The following CCDC60 variants were observed in gnomAD, a reference collection of about 807,000 sequenced individuals.
The protein encoded by CCDC60 is coiled-coil domain containing 60, also known as coiled-coil domain-containing protein 60.
In CCDC60, 54 loss-of-function variants were observed where a neutral mutation model predicts 63.5. The ratio of observed to expected loss-of-function variants is 0.85; its 90% confidence interval spans 0.68 to 1.07. The LOEUF is 1.07. CCDC60 is among the 50% of genes least tolerant of loss of function. CCDC60 has a pLI of 0.00. For synonymous variants in CCDC60, 206 were observed against 238.8 expected, an observed-to-expected ratio of 0.86 and a Z score of 1.27; for missense variants, 651 against 684.3, an observed-to-expected ratio of 0.95 and a Z score of 0.54.
At chr12:119,480,969 C>T (rs995295398) in intron 4 of CCDC60, among the ~76,000 whole-genome samples, 4 of 150,948 alleles carry the variant, frequency 2.6e-5, no homozygotes, top group African/African-American at 9.7e-5. Flanking sequence ...TCACCATCAC[C>T]ATCATTATCA....
chr12:119,401,764 A>G (rs1956396411), intron 1 of CCDC60, among the ~76,000 whole-genome samples: 1 of 152,224 alleles, frequency 6.6e-6, no homozygotes, highest in South Asian at 2.1e-4. Context: ...ATAGAGCATC[A>G]AAGTGCACAG....
At chr12:119,493,663 C>A (rs895388518) in intron 5 of CCDC60, among the ~76,000 whole-genome samples, 3 of 152,150 alleles carry the variant, frequency 2.0e-5, no homozygotes, top group African/African-American at 7.2e-5. Context: ...ACAAGATGAT[C>A]GGGTCCACAG....
chr12:119,440,382 T>C (rs1197407318), intron 2 of CCDC60, among the ~76,000 whole-genome samples: 1 of 151,724 alleles, frequency 6.6e-6, no homozygotes, highest in Non-Finnish European at 1.5e-5. Context: ...TACAAAAAAT[T>C]AGCGGGGCAT....
intron 1 of CCDC60, among the ~76,000 whole-genome samples, chr12:119,335,954 T>A (rs1176454982): frequency 1.3e-5 from 2 of 151,800 alleles, no homozygotes; most frequent in Non-Finnish European, 2.9e-5. Flanking sequence ...GGGACATGGA[T>A]GAAATTGGAA....
intron 1 of CCDC60, among the ~76,000 whole-genome samples, chr12:119,378,396 G>A (rs142291950): frequency 2.2e-4 from 33 of 152,192 alleles, no homozygotes; most frequent in Admixed American, 2.0e-3. Context: ...ATGATTTGGG[G>A]GCTGCCTTTT....
At chr12:119,419,567 G>C (rs1213416289) in intron 1 of CCDC60, among the ~76,000 whole-genome samples, 1 of 152,154 alleles carries the variant, frequency 6.6e-6, no homozygotes, top group Non-Finnish European at 1.5e-5. Flanking sequence ...TCATTAACCT[G>C]TGGGGTTAAA....
chr12:119,536,413 C>T (rs139740774), intron 13 of CCDC60, among the ~76,000 whole-genome samples: 11 of 152,236 alleles, frequency 7.2e-5, no homozygotes, highest in South Asian at 2.1e-4. Context: ...AGCCCATTTA[C>T]GTTTAAGGTT....
At chr12:119,493,240 G>A (rs1951632246) in intron 5 of CCDC60, among the ~76,000 whole-genome samples, 2 of 152,216 alleles carry the variant, frequency 1.3e-5, no homozygotes, top group Admixed American at 1.3e-4. Context: ...TTGGGGACCT[G>A]TAGATCCCAG....
chr12:119,360,366 C>CT (rs1955769129), intron 1 of CCDC60, among the ~76,000 whole-genome samples: 1 of 86,790 alleles, frequency 1.2e-5, no homozygotes, highest in Non-Finnish European at 2.1e-5. Context: ...CCCTCCCGGA[C>CT]GGGGCGGCTG....
At chr12:119,439,689 G>A (rs1950400985) in intron 2 of CCDC60, among the ~76,000 whole-genome samples, 1 of 152,182 alleles carries the variant, frequency 6.6e-6, no homozygotes, top group Non-Finnish European at 1.5e-5. Flanking sequence ...GAAGAAAAGT[G>A]TTCTGTAGTC....
Position 119,500,177 on chromosome 12 carries a change from C to T in CCDC60, c.648+9C>T. On this transcript the variant is annotated intron_variant, in intron 6 of 13. Transcript: ENST00000327554. Reference sequence around the variant, plus strand: ...TCATCACAGCGCCAAAGGTAACCAACAACACGCGACTCAACCCTTTGGCTC... The same window carrying T: ...TCATCACAGCGCCAAAGGTAACCAATAACACGCGACTCAACCCTTTGGCTC... The T allele has an allele frequency of 6.3e-7, 1 of 1,581,000 alleles. No homozygotes were observed. Among genetic ancestry groups the T allele is most frequent in the African/African-American group, 1.4e-5 (1 of 73,786 alleles).
intron 1 of CCDC60, among the ~76,000 whole-genome samples, chr12:119,347,299 G>A (rs1039116218): frequency 5.3e-5 from 8 of 152,180 alleles, no homozygotes; most frequent in African/African-American, 1.9e-4. Context: ...TCTGGGGTGT[G>A]TGTGGCTGAA....
chr12:119,464,657 G>A (rs2136312008), intron 2 of CCDC60, among the ~76,000 whole-genome samples: 1 of 152,228 alleles, frequency 6.6e-6, no homozygotes, highest in Non-Finnish European at 1.5e-5. Context: ...AGCCACAAGA[G>A]CTGCCCACCA....
rs573466984 is a variant in CCDC60, at chr12:119,474,651, A to C, written c.341+2487A>C. Reference sequence around the variant, plus strand: ...TGTACAACATGGTGCAATGTACTAAATACCACTACATTCTACTCTTTAAAA... The same window carrying C: ...TGTACAACATGGTGCAATGTACTAACTACCACTACATTCTACTCTTTAAAA... On this transcript the variant is annotated intron_variant, in intron 3 of 13. Transcript: ENST00000327554. Among the ~76,000 whole-genome samples, 129 of 152,300 alleles carry C rather than the reference A, an allele frequency of 8.5e-4. 1 individual carries two copies. The highest frequency in any genetic ancestry group is 3.0e-3 in the African/African-American group (124 of 41,556).
chr12:119,478,350 G>A (rs1208541038), intron 3 of CCDC60, among the ~76,000 whole-genome samples: 1 of 111,382 alleles, frequency 9.0e-6, no homozygotes, highest in African/African-American at 3.4e-5. Context: ...ACTCAAGCAT[G>A]ACAACAACCA....
At chr12:119,348,639 A>T (rs1341730005) in intron 1 of CCDC60, among the ~76,000 whole-genome samples, 2 of 152,186 alleles carry the variant, frequency 1.3e-5, no homozygotes, top group Non-Finnish European at 2.9e-5. Context: ...GTTCATAAGG[A>T]CTGAGTCCAA....
chr12:119,517,354 A>G (rs546529727), intron 8 of CCDC60, among the ~76,000 whole-genome samples: 20 of 152,192 alleles, frequency 1.3e-4, no homozygotes, highest in Non-Finnish European at 2.5e-4. Context: ...ACTGCTTCTC[A>G]GGAATCTTCT....
chr12:119,474,992 C>T (rs1951144143), intron 3 of CCDC60, among the ~76,000 whole-genome samples: 1 of 152,174 alleles, frequency 6.6e-6, no homozygotes, highest in Admixed American at 6.5e-5. Context: ...ACTGCAAGAC[C>T]TCATGGAGCT....
At chr12:119,372,283 G>T (rs751426748) in intron 1 of CCDC60, among the ~76,000 whole-genome samples, 1 of 152,106 alleles carries the variant, frequency 6.6e-6, no homozygotes, top group Non-Finnish European at 1.5e-5. Flanking sequence ...AAGAATGGCA[G>T]GTAAGCATGA....
Sources: allele counts gnomAD v4.1 joint callset (sites outside exome capture counted in the v4.1 genomes callset), GRCh38; gene constraint gnomAD v4.1.1; transcripts MANE v1.5; gene names NCBI Gene and HGNC (gene_info 2026-07-23, HGNC 2026-07-21).